CLOCK: variants seen among roughly 807,000 people sequenced by gnomAD.
CLOCK encodes circadian locomoter output cycles protein kaput.
In CLOCK, 43 loss-of-function variants were observed where a neutral mutation model predicts 118.4. That is an observed-to-expected ratio of 0.36 (90% confidence interval 0.28 to 0.47). The LOEUF (loss-of-function observed/expected upper bound fraction) is 0.47, where lower values mean the gene tolerates loss of function less well. Ranked by LOEUF, CLOCK falls within the 20% of genes least tolerant of loss-of-function variation. CLOCK has a pLI of 1.00. For missense variants in CLOCK, 846 were observed against 999.9 expected (o/e 0.85, Z 2.08); for synonymous variants, 326 against 339.2 (o/e 0.96, Z 0.43).
chr4:55,537,377 G>C (rs1730971436), intron 1 of CLOCK, among the ~76,000 whole-genome samples: 2 of 152,128 alleles, frequency 1.3e-5, no homozygotes, highest in Middle Eastern at 3.2e-3. Flanking sequence ...CTAGCACTTT[G>C]GGAGGCTGAG....
chr4:55,435,401 A>C lies in CLOCK; in HGVS notation c.*14T>G, dbSNP rs903173888. The C allele has an allele frequency of 2.5e-6, 4 of 1,613,804 alleles. No individual in the cohort carries two copies. Among genetic ancestry groups the C allele is most frequent in the Admixed American group, 3.3e-5 (2 of 59,994 alleles). ...CCCCTTCCTCCCTTGATGTCAAGAG[A>C]GGAAGCACGTGTGCTACTGTGGTTG... On this transcript the variant is annotated 3_prime_UTR_variant, in exon 23 of 23. Coordinates refer to ENST00000513440, the MANE Select transcript of CLOCK (RefSeq NM_004898.4).
In CLOCK at chr4:55,475,396, T is replaced by C. The variant is rs1038827976; in HGVS notation, c.348+567A>G. 3.9e-5 allele frequency among the ~76,000 whole-genome samples: 6 copies of C among 152,194 alleles called. No individual in the cohort carries two copies. The East Asian group carries it at 9.6e-4, about 24-fold the overall frequency. ...GAAGAAGATGTGAATACTGTTGACA[T>C]GACAGCAAAGGATACAGAATATTAC... is the stretch of plus-strand genomic sequence containing the variant. On this transcript the variant is annotated intron_variant, in intron 7 of 22. Coordinates refer to ENST00000513440, the MANE Select transcript of CLOCK (RefSeq NM_004898.4).
rs1184338524 is a variant in CLOCK at position 55,438,437 on chromosome 4, T to C, written c.2206A>G (p.Thr736Ala). The change falls in exon 22 of 23, where the codon ACT (threonine) becomes GCT (alanine). Residue 736 changes from threonine (T) to alanine (A), a missense_variant. Physicochemically the swap from Thr to Ala is moderately conservative, Grantham distance 58 (BLOSUM62 0). This residue lies in a region of CLOCK where 520 missense variants were observed against 558.0 expected (regional missense o/e 0.93). Transcript: ENST00000513440. ...TGTGTAGCAAAAGTAGGATATGCAG[T>C]CACCACCTGGCCCATAAGCATAGTA... ...PSTMLMGQVV[T>A]AYPTFATQQQ... 1 of 1,613,866 alleles carries C rather than the reference T, an allele frequency of 6.2e-7. No individual in the cohort carries two copies. Among genetic ancestry groups the C allele is most frequent in the Non-Finnish European group, 8.5e-7 (1 of 1,179,996 alleles).
chr4:55,479,721 A>C (rs1452766552), intron 4 of CLOCK, 22 bp from the exon 5 acceptor site: 2 of 1,595,784 alleles, frequency 1.3e-6, no homozygotes, highest in Non-Finnish European at 1.7e-6. Flanking sequence ...CGGATAGAGA[A>C]AGTAAGAGCA....
chr4:55,451,490 G>A (rs1159867952), intron 15 of CLOCK, among the ~76,000 whole-genome samples: 1 of 152,092 alleles, frequency 6.6e-6, no homozygotes, highest in Admixed American at 6.6e-5. Flanking sequence ...CAAAATTCAT[G>A]ATTTTGAAAC....
chr4:55,529,197 T>C (rs1730385503), intron 1 of CLOCK, among the ~76,000 whole-genome samples: 2 of 152,314 alleles, frequency 1.3e-5, no homozygotes, highest in South Asian at 2.1e-4. Flanking sequence ...CTTACTTTGT[T>C]GCCCAGGCAG....
rs768280039 is a variant in CLOCK at position 55,443,696 on chromosome 4, T to G, written c.1893A>C (p.Thr631=). Reference sequence around the variant, plus strand: ...TGCTCAGTAACATTACCTGAGTTGATGTACTCTGTAAAGTCTGTTGTTGTA... The same window carrying G: ...TGCTCAGTAACATTACCTGAGTTGAGGTACTCTGTAAAGTCTGTTGTTGTA... ...HMIQQQTLQS[T]STQSQQNVLS... The change falls in exon 20 of 23, where the codon ACA becomes ACC. Residue 631 remains threonine, a synonymous_variant. Coordinates refer to ENST00000513440, the MANE Select transcript of CLOCK (RefSeq NM_004898.4). The G allele has an allele frequency of 6.2e-7, 1 of 1,613,692 alleles. No homozygotes were observed. The highest frequency in any genetic ancestry group is 1.3e-5 in the African/African-American group (1 of 74,930).
intron 1 of CLOCK, among the ~76,000 whole-genome samples, chr4:55,521,537 G>A (rs1460753549): frequency 6.6e-6 from 1 of 152,162 alleles, no homozygotes. Context: ...ATGTTTTATA[G>A]AGCTCACCTT....
At chr4:55,533,489 A>G (rs1730686184) in intron 1 of CLOCK, among the ~76,000 whole-genome samples, 1 of 152,170 alleles carries the variant, frequency 6.6e-6, no homozygotes, top group South Asian at 2.1e-4. Context: ...ATTTCCGAAT[A>G]TTTTTTCAAC....
chr4:55,454,919 T>C (rs1724810950), intron 13 of CLOCK, among the ~76,000 whole-genome samples: 1 of 120,528 alleles, frequency 8.3e-6, no homozygotes, highest in Non-Finnish European at 1.6e-5. Flanking sequence ...ACAAACAAAC[T>C]TGCTGTCCAA....
chr4:55,517,545 T>C (rs756430895), intron 1 of CLOCK, among the ~76,000 whole-genome samples: 4 of 152,192 alleles, frequency 2.6e-5, no homozygotes, highest in Non-Finnish European at 5.9e-5. Context: ...TTTGCTGAAT[T>C]CTATTTGCTA....
At position 55,463,590 on chromosome 4, in the gene CLOCK, T is replaced by C. The variant is rs891434977; in HGVS notation, c.559+95A>G. The C allele has an allele frequency of 2.7e-5, 33 of 1,240,324 alleles. No homozygotes were observed. The East Asian group carries it at 5.0e-4, about 19-fold the overall frequency. The allele number at this position is 1,240,324 out of a possible 1,614,324, so 76.8% of individuals were successfully genotyped here. ...CCTAATAGGGCATATGGAGTAATGC[T>C]GTATTTAAAGAAGTCTGTATTTTTC... On this transcript the variant is annotated intron_variant, in intron 9 of 22. Transcript: ENST00000513440.
rs1205994102 is a variant in CLOCK, at chr4:55,430,917, C to CA, written c.*4497dup. ...TCTCTTGACTCCACCACATTCAAAACAAAAATCAAAGTTCATTTGGCTATC... is the reference window on the plus strand; with the variant it reads ...TCTCTTGACTCCACCACATTCAAAACAAAAAATCAAAGTTCATTTGGCTATC... On this transcript the variant is annotated 3_prime_UTR_variant, in exon 23 of 23. Coordinates refer to ENST00000513440, the MANE Select transcript of CLOCK (RefSeq NM_004898.4). The CA allele has an allele frequency of 6.6e-6, 1 of 152,114 alleles. No individual in the cohort carries two copies. The highest frequency in any genetic ancestry group is 1.5e-5 in the Non-Finnish European group (1 of 67,996). 9.4% of individuals were successfully genotyped at this position (152,114 alleles called of 1,614,324 possible).
intron 1 of CLOCK, chr4:55,540,407 A>AG (rs1486405072): frequency 1.9e-4 from 18 of 94,860 alleles, no homozygotes; most frequent in Admixed American, 7.6e-4. Flanking sequence ...AGGGGAGGGG[A>AG]GGGGGGAATG....
intron 1 of CLOCK, among the ~76,000 whole-genome samples, chr4:55,523,668 A>T (rs1380355870): frequency 6.6e-6 from 1 of 152,092 alleles, no homozygotes; most frequent in Non-Finnish European, 1.5e-5. Context: ...TTTCATATAC[A>T]TCTCTAATAC....
At chr4:55,453,955 G>C (rs1450666854) in intron 13 of CLOCK, 131 bp from the exon 14 acceptor site, 24 of 679,928 alleles carry the variant, frequency 3.5e-5, no homozygotes, top group Non-Finnish European at 3.4e-5. Flanking sequence ...TAACATATAT[G>C]TCAATATGAA....
intron 1 of CLOCK, among the ~76,000 whole-genome samples, chr4:55,529,875 CAAAAGCT>C (rs1378471994): frequency 6.6e-6 from 1 of 152,106 alleles, no homozygotes. Flanking sequence ...AGAAAATAAG[CAAAAGCT>C]ACTCATTAAC....
At chr4:55,542,499 TTGATCAATACTC>T (rs1427907136) in intron 1 of CLOCK, among the ~76,000 whole-genome samples, 1 of 151,186 alleles carries the variant, frequency 6.6e-6, no homozygotes, top group Non-Finnish European at 1.5e-5. Flanking sequence ...GTAAATAGTC[TTGATCAATACTC>T]TGAACTTTTT....
Position 55,471,114 on chromosome 4 carries a change from G to A in CLOCK, c.349-308C>T, listed in dbSNP as rs1317735613. Among the ~76,000 whole-genome samples the A allele has an allele frequency of 4.6e-5, 7 of 152,186 alleles. No homozygotes were observed. The East Asian group carries it at 1.4e-3, about 29-fold the overall frequency. Reference sequence around the variant, plus strand: ...CCAATCATGTATATACAGTATTATGGCTTATTTGAAGATGCTAATGTCTCC... The same window carrying A: ...CCAATCATGTATATACAGTATTATGACTTATTTGAAGATGCTAATGTCTCC... On this transcript the variant is annotated intron_variant, in intron 7 of 22. Coordinates refer to ENST00000513440, the MANE Select transcript of CLOCK (RefSeq NM_004898.4).
Sources: gnomAD v4.1 joint callset for allele counts (sites outside exome capture counted in the v4.1 genomes callset) on GRCh38, gnomAD v4.1.1 for gene constraint, gnomAD v4.1.1 regional missense constraint, MANE v1.5 for transcripts, NCBI Gene and HGNC (gene_info 2026-07-23, HGNC 2026-07-21) for gene names.